ADAMTS18: variants seen among roughly 807,000 people sequenced by gnomAD.
ADAMTS18 encodes A disintegrin and metalloproteinase with thrombospondin motifs 18.
ADAMTS18 carries 157 observed loss-of-function variants against 165.9 expected under a neutral mutation model. The observed-to-expected ratio is 0.95, with a 90% CI of 0.83 to 1.08. The LOEUF (loss-of-function observed/expected upper bound fraction) is 1.08, where lower values mean the gene tolerates loss of function less well. Among genes scored for constraint, ADAMTS18 ranks in the 50% least tolerant of loss-of-function variants. The pLI is 0.00. For synonymous variants in ADAMTS18, 782 were observed against 578.2 expected (o/e 1.35, Z -5.06); for missense variants, 2,040 against 1,534.0 (o/e 1.33, Z -5.51).
chr16:77,375,954 A>C (rs2056945603), intron 3 of ADAMTS18, among the ~76,000 whole-genome samples: 1 of 120,876 alleles, frequency 8.3e-6, no homozygotes, highest in Non-Finnish European at 1.6e-5. Context: ...CCCAGTTTGG[A>C]CTGCAATGGC....
At chr16:77,372,885 A>G (rs965788809) in intron 3 of ADAMTS18, among the ~76,000 whole-genome samples, 1 of 152,232 alleles carries the variant, frequency 6.6e-6, no homozygotes, top group Non-Finnish European at 1.5e-5. Flanking sequence ...GTCCAGCACT[A>G]ATCAACTTCT....
rs764149360 is a variant in ADAMTS18, at chr16:77,364,196, T to C, written c.964A>G (p.Met322Val). Residue 322 changes from methionine (M) to valine (V), a missense_variant, in exon 5 of 23, where the codon ATG becomes GTG. Transcript: ENST00000282849. ...GNVTTYILTVMNMVSGLFKDG... is the reference protein window; with the variant it reads ...GNVTTYILTVVNMVSGLFKDG... Reference sequence around the variant, plus strand: ...GTGACACCCCCGCTTACCATGTTCATTACTGTGAGAATGTATGTGGTGACA... The same window carrying C: ...GTGACACCCCCGCTTACCATGTTCACTACTGTGAGAATGTATGTGGTGACA... The C allele has an allele frequency of 6.2e-7, 1 of 1,614,154 alleles. No individual in the cohort carries two copies. Among genetic ancestry groups the C allele is most frequent in the Non-Finnish European group, 8.5e-7 (1 of 1,180,022 alleles).
At chr16:77,419,896 G>A (rs937663060) in intron 3 of ADAMTS18, among the ~76,000 whole-genome samples, 8 of 150,202 alleles carry the variant, frequency 5.3e-5, no homozygotes, top group Non-Finnish European at 1.2e-4. Context: ...CTACTTGGGA[G>A]GCCGAGGCAG....
chr16:77,385,960 A>G (rs1216499349), intron 3 of ADAMTS18, among the ~76,000 whole-genome samples: 7 of 152,218 alleles, frequency 4.6e-5, no homozygotes, highest in Admixed American at 3.9e-4. Flanking sequence ...ATCTGGGGAG[A>G]ACAAAGAACT....
intron 10 of ADAMTS18, among the ~76,000 whole-genome samples, chr16:77,344,888 C>T (rs2056453131): frequency 6.6e-6 from 1 of 152,152 alleles, no homozygotes; most frequent in African/African-American, 2.4e-5. Flanking sequence ...AGAAGGCTCC[C>T]TTTCAAAGGA....
intron 3 of ADAMTS18, among the ~76,000 whole-genome samples, chr16:77,384,956 C>G (rs778601251): frequency 1.0e-4 from 15 of 150,660 alleles, no homozygotes; most frequent in Non-Finnish European, 2.1e-4. Context: ...GTTGCCCAAG[C>G]TGGAATGCAG....
chr16:77,396,038 G>T (rs2144799927), intron 3 of ADAMTS18, among the ~76,000 whole-genome samples: 1 of 152,254 alleles, frequency 6.6e-6, no homozygotes, highest in Non-Finnish European at 1.5e-5. Context: ...TTAATATTTT[G>T]TAGATGACAA....
chr16:77,434,715 G>A lies in ADAMTS18; in HGVS notation c.-20C>T, dbSNP rs1320171860. 3.5e-6 allele frequency: 5 copies of A among 1,427,958 alleles called. No individual in the cohort carries two copies. The highest frequency in any genetic ancestry group is 4.6e-6 in the Non-Finnish European group (5 of 1,092,406). The allele number at this position is 1,427,958 out of a possible 1,614,324, so 88.5% of individuals were successfully genotyped here. A position where few individuals can be genotyped will look rare whatever the true frequency, so the allele number is the denominator to read the frequency against. On this transcript the variant is annotated 5_prime_UTR_variant, in exon 1 of 23. Coordinates refer to ENST00000282849, the MANE Select transcript of ADAMTS18 (RefSeq NM_199355.4). ...CTCCATGGTCAGGTGCGGACGCGGCGGCTGCGGGTGGCCAGACGCGGCAGG... is the reference window on the plus strand; with the variant it reads ...CTCCATGGTCAGGTGCGGACGCGGCAGCTGCGGGTGGCCAGACGCGGCAGG...
At chr16:77,307,797 C>G (rs2055707911) in intron 16 of ADAMTS18, among the ~76,000 whole-genome samples, 1 of 152,090 alleles carries the variant, frequency 6.6e-6, no homozygotes, top group East Asian at 1.9e-4. Context: ...TATCTTGAGG[C>G]ACTTCCTTAC....
intron 3 of ADAMTS18, among the ~76,000 whole-genome samples, chr16:77,393,454 T>C (rs2057216609): frequency 6.6e-6 from 1 of 152,208 alleles, no homozygotes; most frequent in Non-Finnish European, 1.5e-5. Context: ...TCTGAATGTT[T>C]GTATCACTCC....
At chr16:77,353,986 G>C in intron 9 of ADAMTS18, 100 bp from the exon 10 acceptor site, 1 of 1,412,322 alleles carries the variant, frequency 7.1e-7, no homozygotes, top group Non-Finnish European at 1.0e-6. Context: ...GAAAAATATA[G>C]CATGGTTCTA....
chr16:77,296,075 C>T lies in ADAMTS18; in HGVS notation c.2802-948G>A, dbSNP rs116232639. Among the ~76,000 whole-genome samples the T allele has an allele frequency of 4.1e-3, 622 of 151,952 alleles. 5 individuals carry two copies. The highest frequency in any genetic ancestry group is 0.013 in the African/African-American group (521 of 41,438). On this transcript the variant is annotated intron_variant, in intron 18 of 22. Coordinates refer to ENST00000282849, the MANE Select transcript of ADAMTS18 (RefSeq NM_199355.4). The stretch of plus-strand genomic sequence containing the variant: ...CTTTATATATAAAGATTGTGTAATA[C>T]GATTGCATCACCACAAACCAAACAC...
At chr16:77,383,195 T>C (rs1340888306) in intron 3 of ADAMTS18, among the ~76,000 whole-genome samples, 1 of 152,122 alleles carries the variant, frequency 6.6e-6, no homozygotes, top group Non-Finnish European at 1.5e-5. Flanking sequence ...GTTGACAATC[T>C]CTCTTCTCCC....
intron 10 of ADAMTS18, among the ~76,000 whole-genome samples, chr16:77,351,155 G>A (rs1432613169): frequency 6.6e-6 from 1 of 152,164 alleles, no homozygotes; most frequent in Non-Finnish European, 1.5e-5. Context: ...CAAGTTATAA[G>A]TAGGTTTAAA....
chr16:77,356,084 C>G lies in ADAMTS18; in HGVS notation c.1323-7G>C. 1 of 1,613,954 alleles carries G rather than the reference C, an allele frequency of 6.2e-7. No individual in the cohort carries two copies. The highest frequency in any genetic ancestry group is 8.5e-7 in the Non-Finnish European group (1 of 1,179,932). On this transcript the variant is annotated splice_region_variant and splice_polypyrimidine_tract_variant and intron_variant, in intron 8 of 22. Coordinates refer to ENST00000282849, the MANE Select transcript of ADAMTS18 (RefSeq NM_199355.4). ...ATCGTGAATCATACCAAAGCTGAAA[C>G]AGAATGAAGAAAACAAAATCCTGCT... is the stretch of plus-strand genomic sequence containing the variant.
chr16:77,370,934 A>G (rs1181576292), intron 3 of ADAMTS18, among the ~76,000 whole-genome samples: 1 of 152,168 alleles, frequency 6.6e-6, no homozygotes, highest in East Asian at 1.9e-4. Flanking sequence ...GTGTTCATGG[A>G]TTGAAAGAAT....
Position 77,434,423 on chromosome 16 carries a change from T to C in ADAMTS18, c.173A>G (p.Asn58Ser). 6.4e-7 allele frequency: 1 copy of C among 1,570,226 alleles called. No individual in the cohort carries two copies. Among genetic ancestry groups the C allele is most frequent in the Non-Finnish European group, 8.6e-7 (1 of 1,164,276 alleles). The change falls in exon 2 of 23, where the codon AAT (asparagine) becomes AGT (serine). Residue 58 changes from asparagine (N) to serine (S), a missense_variant. Coordinates refer to ENST00000282849, the MANE Select transcript of ADAMTS18 (RefSeq NM_199355.4). Reference sequence around the variant, plus strand: ...GATGGGGGGCAAATACGAACCATCATTTAATCCGCTGGCGCCGCTGCTGCT... The same window carrying C: ...GATGGGGGGCAAATACGAACCATCACTTAATCCGCTGGCGCCGCTGCTGCT... ...SDSSSGASGL[N>S]DDYVFVTPVE...
rs958056941 is a variant in ADAMTS18 at position 77,431,741 on chromosome 16, A to C, written c.179-130T>G. 9.2e-5 allele frequency: 90 copies of C among 983,558 alleles called. No individual in the cohort carries two copies. In the Admixed American group the frequency reaches 1.5e-3, roughly 17 times the overall value. The allele number at this position is 983,558 out of a possible 1,614,324, so 60.9% of individuals were successfully genotyped here. A position where few individuals can be genotyped will look rare whatever the true frequency, so the allele number is the denominator to read the frequency against. ...GTTCCTATTGCCTTGCACCTAGATC[A>C]AATATAATTCAGAGCAGCACAGGCA... On this transcript the variant is annotated intron_variant, in intron 2 of 22. Transcript: ENST00000282849.
Position 77,321,290 on chromosome 16 carries a change from T to C in ADAMTS18, c.2164-88A>G, listed in dbSNP as rs1183790848. 11 of 1,534,598 alleles carry C rather than the reference T, an allele frequency of 7.2e-6. No homozygotes were observed. In the Admixed American group the frequency reaches 1.9e-4, roughly 26 times the overall value. ...TTAAGAGGTATATGGTTCTCTGTAT[T>C]TACAGAACATTAGGGAAGCAGTACA... On this transcript the variant is annotated intron_variant, in intron 14 of 22. Coordinates refer to ENST00000282849, the MANE Select transcript of ADAMTS18 (RefSeq NM_199355.4).
Sources: allele counts gnomAD v4.1 joint callset (sites outside exome capture counted in the v4.1 genomes callset), GRCh38; gene constraint gnomAD v4.1.1; transcripts MANE v1.5; gene names NCBI Gene and HGNC (gene_info 2026-07-23, HGNC 2026-07-21).